The following DSG4 variants were observed in gnomAD, a reference collection of about 807,000 sequenced individuals.
DSG4 encodes desmoglein-4.
DSG4 carries 87 observed loss-of-function variants against 93.1 expected under a neutral mutation model. The observed-to-expected ratio is 0.93, with a 90% CI of 0.79 to 1.12. The LOEUF is 1.12. Ranked by LOEUF, DSG4 falls within the 50% of genes most tolerant of loss-of-function variation. The pLI is 0.00. For synonymous variants in DSG4, 432 were observed against 452.9 expected (o/e 0.95, Z 0.59); for missense variants, 1,373 against 1,285.7 (o/e 1.07, Z -1.04).
At chr18:31,402,223 T>C (rs1171492400) in intron 10 of DSG4, among the ~76,000 whole-genome samples, 1 of 152,222 alleles carries the variant, frequency 6.6e-6, no homozygotes, top group African/African-American at 2.4e-5. Flanking sequence ...CACAGAGCTA[T>C]CTGAATGGTT....
rs1268894728 is a variant in DSG4 at position 31,399,605 on chromosome 18, G to A, written c.1277+62G>A. The A allele has an allele frequency of 5.1e-5, 81 of 1,602,678 alleles. 2 individuals are homozygous for A. The East Asian group carries it at 5.8e-4, about 11-fold the overall frequency. ...TCCAGTGTTAATTCATGTAGCATGC[G>A]CTAATATATGTTGGTTGTAATACTT... On this transcript the variant is annotated intron_variant, in intron 9 of 15. Coordinates refer to ENST00000308128, the MANE Select transcript of DSG4 (RefSeq NM_177986.5).
At position 31,409,777 on chromosome 18, in the gene DSG4, C is replaced by T; in HGVS notation, c.2106C>T (p.Ala702=). ...CAAATATATGTGCACCCATGACAGCCTCAAATACCCAGGATCGGATGGATT... is the reference window on the plus strand; with the variant it reads ...CAAATATATGTGCACCCATGACAGCTTCAAATACCCAGGATCGGATGGATT... ...DVSNICAPMT[A]SNTQDRMDSS... is the part of the protein sequence containing the mutation. The change falls in exon 14 of 16, where the codon GCC becomes GCT. Residue 702 remains alanine (A), a synonymous_variant. Transcript: ENST00000308128. 1 of 1,614,176 alleles carries T rather than the reference C, an allele frequency of 6.2e-7. No homozygotes were observed. Among genetic ancestry groups the T allele is most frequent in the Non-Finnish European group, 8.5e-7 (1 of 1,180,028 alleles).
chr18:31,392,389 A>C (rs745551490), intron 8 of DSG4, 49 bp downstream of exon 8: 1 of 1,588,760 alleles, frequency 6.3e-7, no homozygotes, highest in Non-Finnish European at 8.6e-7. Flanking sequence ...TTTTATTCCA[A>C]AGAAGTTTTA....
rs1219807063 is a variant in DSG4 at position 31,411,326 on chromosome 18, A to C, written c.2233A>C (p.Met745Leu). The change falls in exon 15 of 16, where the codon ATG becomes CTG. Residue 745 changes from methionine (M) to leucine (L), a missense_variant. By Grantham distance (15) the Met-to-Leu change is conservative (BLOSUM62 2). Coordinates refer to ENST00000308128, the MANE Select transcript of DSG4 (RefSeq NM_177986.5). Reference sequence around the variant, plus strand: ...AGGTATGGGGACAGCCGTTGGCCTCATGGCCGCAGGGGCCGCAGGAGCCTC... The same window carrying C: ...AGGTATGGGGACAGCCGTTGGCCTCCTGGCCGCAGGGGCCGCAGGAGCCTC... ...NTGMGTAVGL[M>L]AAGAAGASGA... 1 of 1,614,026 alleles carries C rather than the reference A, an allele frequency of 6.2e-7. No homozygotes were observed. The highest frequency in any genetic ancestry group is 8.5e-7 in the Non-Finnish European group (1 of 1,180,038).
At chr18:31,392,072 T>A (rs1357307200) in intron 7 of DSG4, 83 bp from the exon 8 acceptor site, 1 of 1,313,816 alleles carries the variant, frequency 7.6e-7, no homozygotes, top group Admixed American at 1.8e-5. Context: ...TTGTTGTTAG[T>A]ATTTTAAATA....
intron 8 of DSG4, among the ~76,000 whole-genome samples, chr18:31,395,596 A>G (rs1352475960): frequency 6.6e-6 from 1 of 152,132 alleles, no homozygotes; most frequent in Non-Finnish European, 1.5e-5. Context: ...GAGGTTACTA[A>G]TGTCCTCTTA....
chr18:31,399,692 T>A, intron 9 of DSG4, 149 bp downstream of exon 9: 1 of 1,089,650 alleles, frequency 9.2e-7, no homozygotes, highest in Non-Finnish European at 1.3e-6. Context: ...GCATTTGAAA[T>A]CTTAGAATTT....
intron 3 of DSG4, among the ~76,000 whole-genome samples, chr18:31,387,178 A>G (rs1244583163): frequency 6.6e-6 from 1 of 152,178 alleles, no homozygotes; most frequent in African/African-American, 2.4e-5. Flanking sequence ...GCACTAGATG[A>G]ATTAACTCCA....
chr18:31,403,350 G>A lies in DSG4; in HGVS notation c.1418-66G>A, dbSNP rs370299674. On this transcript the variant is annotated intron_variant, in intron 10 of 15. Transcript: ENST00000308128. ...CTACAAGTTCCATGGCATCATCAGG[G>A]GATATGAGAAAGAGTTTTCTCCCTA... The A allele has an allele frequency of 5.8e-5, 75 of 1,295,158 alleles. No homozygotes were observed. The East Asian group carries it at 8.7e-4, about 15-fold the overall frequency. The allele number at this position is 1,295,158 out of a possible 1,614,324, so 80.2% of individuals were successfully genotyped here.
At position 31,406,329 on chromosome 18, in the gene DSG4, C is replaced by G; in HGVS notation, c.1889C>G (p.Pro630Arg). 1 of 1,614,144 alleles carries G rather than the reference C, an allele frequency of 6.2e-7. No homozygotes were observed. Among genetic ancestry groups the G allele is most frequent in the Non-Finnish European group, 8.5e-7 (1 of 1,180,036 alleles). ...QAGVSNVGLGPAGIGMMVLGI... is the reference protein window; with the variant it reads ...QAGVSNVGLGRAGIGMMVLGI... ...GGAGTTTCAAATGTTGGTCTTGGAC[C>G]AGCAGGGATTGGCATGATGGTTCTG... is the stretch of plus-strand genomic sequence containing the variant. The change falls in exon 12 of 16, where the codon CCA becomes CGA. Residue 630 changes from proline to arginine, a missense_variant. Physicochemically the swap from Pro to Arg is moderately radical, Grantham distance 103. Coordinates refer to ENST00000308128, the MANE Select transcript of DSG4 (RefSeq NM_177986.5).
Position 31,388,455 on chromosome 18 carries a change from T to C in DSG4, c.305T>C (p.Ile102Thr). ...IDRPPYGVFT[I>T]NPRTGEINIT... Reference sequence around the variant, plus strand: ...CGACCACCATATGGGGTATTCACCATTAATCCTCGCACTGGGGAAATTAAC... The same window carrying C: ...CGACCACCATATGGGGTATTCACCACTAATCCTCGCACTGGGGAAATTAAC... The change falls in exon 4 of 16, where the codon ATT becomes ACT. Residue 102 changes from isoleucine (I) to threonine (T), a missense_variant. Coordinates refer to ENST00000308128, the MANE Select transcript of DSG4 (RefSeq NM_177986.5). The C allele has an allele frequency of 6.2e-7, 1 of 1,613,608 alleles. No individual in the cohort carries two copies. The highest frequency in any genetic ancestry group is 1.1e-5 in the South Asian group (1 of 91,076).
chr18:31,385,171 G>T lies in DSG4; in HGVS notation c.84G>T (p.Glu28Asp). 6.3e-7 allele frequency: 1 copy of T among 1,576,152 alleles called. No homozygotes were observed. Among genetic ancestry groups the T allele is most frequent in the Non-Finnish European group, 8.7e-7 (1 of 1,155,190 alleles). The change falls in exon 2 of 16, where the codon GAG becomes GAT. Residue 28 changes from glutamate to aspartate, a missense_variant and splice_region_variant. Physicochemically the swap from Glu to Asp is conservative, Grantham distance 45. Coordinates refer to ENST00000308128, the MANE Select transcript of DSG4 (RefSeq NM_177986.5). The part of the protein sequence containing the change: ...VMEVNSEFIV[E>D]VKEFDIENGT... ...AAGTAAACAGTGAATTTATTGTTGA[G>T]GTAATGTAAAATAAAATTATTTTCT...
chr18:31,388,259 C>T, intron 3 of DSG4, 108 bp from the exon 4 acceptor site: 2 of 1,301,110 alleles, frequency 1.5e-6, no homozygotes, highest in Non-Finnish European at 2.2e-6. Context: ...TGTCAGGTTT[C>T]AATCCAAAGC....
chr18:31,411,565 C>A, intron 15 of DSG4, 117 bp downstream of exon 15: 1 of 1,236,240 alleles, frequency 8.1e-7, no homozygotes, highest in Non-Finnish European at 1.1e-6. Flanking sequence ...AACCCTATCC[C>A]AAACCTGAAT....
rs994604935 is a variant in DSG4 at position 31,403,580 on chromosome 18, G to A, written c.1582G>A (p.Val528Ile). Residue 528 changes from valine to isoleucine, a missense_variant, in exon 11 of 16, where the codon GTT (valine) becomes ATT (isoleucine). By Grantham distance (29) the Val-to-Ile change is conservative. Coordinates refer to ENST00000308128, the MANE Select transcript of DSG4 (RefSeq NM_177986.5). ...HSYGSPFTFC[V>I]VDEPPGIADM... Reference sequence around the variant, plus strand: ...TTATGGGTCTCCGTTTACTTTCTGTGTTGTTGATGAGCCACCAGGAATAGC... The same window carrying A: ...TTATGGGTCTCCGTTTACTTTCTGTATTGTTGATGAGCCACCAGGAATAGC... The A allele has an allele frequency of 2.7e-5, 43 of 1,613,888 alleles. No homozygotes were observed. Among genetic ancestry groups the A allele is most frequent in the Non-Finnish European group, 3.5e-5 (41 of 1,179,956 alleles).
chr18:31,401,751 A>C (rs1434025283), intron 10 of DSG4: 3 of 152,232 alleles, frequency 2.0e-5, no homozygotes, highest in Admixed American at 6.6e-5. Context: ...CCACGAAGGA[A>C]GGGGAAAGAC....
intron 10 of DSG4, among the ~76,000 whole-genome samples, chr18:31,402,957 A>G (rs1215185354): frequency 1.3e-5 from 2 of 152,206 alleles, no homozygotes; most frequent in Non-Finnish European, 2.9e-5. Flanking sequence ...ACAAACAAGT[A>G]TTTATTTCAG....
chr18:31,407,803 C>T (rs1054179173), intron 12 of DSG4, among the ~76,000 whole-genome samples: 3 of 152,106 alleles, frequency 2.0e-5, no homozygotes, highest in East Asian at 1.9e-4. Flanking sequence ...GTAGTGGTTT[C>T]GGGTAAGCTT....
At chr18:31,380,755 A>T (rs1276863080) in intron 1 of DSG4, among the ~76,000 whole-genome samples, 3 of 152,198 alleles carry the variant, frequency 2.0e-5, no homozygotes, top group African/African-American at 7.2e-5. Flanking sequence ...TTCCAAACTG[A>T]CTACTTACTT....
Sources: allele counts gnomAD v4.1 joint callset (sites outside exome capture counted in the v4.1 genomes callset), GRCh38; gene constraint gnomAD v4.1.1; transcripts MANE v1.5; gene names NCBI Gene and HGNC (gene_info 2026-07-23, HGNC 2026-07-21).